Variants in VRK1 observed in about 807,000 individuals in gnomAD.
The protein encoded by VRK1 is VRK serine/threonine kinase 1.
A neutral mutation model predicts 57.1 loss-of-function variants in VRK1; 33 were observed. That is an observed-to-expected ratio of 0.58 (90% confidence interval 0.44 to 0.77). VRK1 has a LOEUF of 0.77. Among genes scored for constraint, VRK1 ranks in the 30% least tolerant of loss-of-function variants. The pLI, the probability that VRK1 is intolerant of heterozygous loss-of-function variation, is 0.00. For synonymous variants in VRK1, 137 were observed against 147.8 expected (o/e 0.93, Z 0.53); for missense variants, 413 against 477.3 (o/e 0.87, Z 1.25).
intron 1 of VRK1, among the ~76,000 whole-genome samples, chr14:96,808,813 G>A (rs1463446807): frequency 2.0e-5 from 3 of 152,068 alleles, no homozygotes; most frequent in South Asian, 2.1e-4. Flanking sequence ...TGGTTATTGC[G>A]TAACACACCA....
chr14:96,802,725 C>T (rs1885712812), intron 1 of VRK1, among the ~76,000 whole-genome samples: 1 of 152,154 alleles, frequency 6.6e-6, no homozygotes, highest in Non-Finnish European at 1.5e-5. Flanking sequence ...ATAAGTAGTT[C>T]AGTGATGAAT....
chr14:96,863,878 C>G (rs964766602), intron 11 of VRK1, among the ~76,000 whole-genome samples: 4 of 152,118 alleles, frequency 2.6e-5, no homozygotes, highest in Non-Finnish European at 5.9e-5. Context: ...AATCAGTAGC[C>G]TGCAGCTGCT....
chr14:96,846,027 G>C, intron 3 of VRK1, 68 bp from the exon 4 acceptor site: 1 of 1,364,542 alleles, frequency 7.3e-7, no homozygotes, highest in Middle Eastern at 1.9e-4. Flanking sequence ...GGTCTTTTTT[G>C]AAGGTTCATT....
At chr14:96,877,531 C>T (rs755041228) in intron 12 of VRK1, 10 of 1,289,316 alleles carry the variant, frequency 7.8e-6, no homozygotes, top group East Asian at 1.1e-4. Flanking sequence ...AGCAATACAT[C>T]GAAGCATGTC....
chr14:96,841,950 C>A (rs923028787), intron 3 of VRK1, among the ~76,000 whole-genome samples: 4 of 152,210 alleles, frequency 2.6e-5, no homozygotes, highest in African/African-American at 9.6e-5. Flanking sequence ...GCACTCTCTC[C>A]TGAATAAACA....
At chr14:96,851,940 T>G (rs1447074121) in intron 5 of VRK1, among the ~76,000 whole-genome samples, 1 of 152,252 alleles carries the variant, frequency 6.6e-6, no homozygotes, top group Non-Finnish European at 1.5e-5. Flanking sequence ...TCATTGGAGA[T>G]GTCCTGATAC....
intron 1 of VRK1, among the ~76,000 whole-genome samples, chr14:96,820,227 GA>G (rs1160551429): frequency 2.0e-5 from 3 of 151,796 alleles, no homozygotes; most frequent in African/African-American, 7.3e-5. Flanking sequence ...TGAAAATGAT[GA>G]TTTTTTTTTT....
chr14:96,810,639 T>G (rs948351173), intron 1 of VRK1, among the ~76,000 whole-genome samples: 5 of 152,204 alleles, frequency 3.3e-5, no homozygotes, highest in African/African-American at 1.2e-4. Flanking sequence ...CCTTCTGCAC[T>G]TGGGCATATT....
chr14:96,841,960 AC>A (rs371990896), intron 3 of VRK1, among the ~76,000 whole-genome samples: 3 of 152,170 alleles, frequency 2.0e-5, no homozygotes, highest in African/African-American at 4.8e-5. Flanking sequence ...CTGAATAAAC[AC>A]CTACAGCACT....
At position 96,855,247 on chromosome 14, in the gene VRK1, T is replaced by C; in HGVS notation, c.600T>C (p.Leu200=). The C allele has an allele frequency of 6.2e-7, 1 of 1,614,048 alleles. No homozygotes were observed. Among genetic ancestry groups the C allele is most frequent in the East Asian group, 2.2e-5 (1 of 44,854 alleles). The change falls in exon 8 of 13, where the codon CTT becomes CTC. Residue 200 remains leucine, a synonymous_variant. Transcript: ENST00000216639. ...AGGTGTACTTGGTAGATTATGGCCT[T>C]GCTTATCGGTACTGCCCAGAAGGAG... ...PDQVYLVDYG[L]AYRYCPEGVH...
At chr14:96,861,611 C>T (rs1032152241) in intron 11 of VRK1, among the ~76,000 whole-genome samples, 6 of 151,962 alleles carry the variant, frequency 3.9e-5, no homozygotes, top group Admixed American at 1.3e-4. Context: ...TAAAATCAGA[C>T]GCAGCACATT....
intron 1 of VRK1, among the ~76,000 whole-genome samples, chr14:96,824,289 A>G (rs563119492): frequency 6.6e-6 from 1 of 152,328 alleles, no homozygotes; most frequent in East Asian, 1.9e-4. Flanking sequence ...AAAAGAATTT[A>G]CTGTATTCCT....
intron 7 of VRK1, 80 bp from the exon 8 acceptor site, chr14:96,855,144 G>T: frequency 6.2e-7 from 1 of 1,607,702 alleles, no homozygotes; most frequent in Non-Finnish European, 8.5e-7. Context: ...TCAGATGCCA[G>T]TATTTTGTTT....
intron 1 of VRK1, among the ~76,000 whole-genome samples, chr14:96,809,873 A>G (rs943454746): frequency 2.6e-5 from 4 of 152,140 alleles, no homozygotes; most frequent in Non-Finnish European, 4.4e-5. Flanking sequence ...GTACCTGGCC[A>G]TGTGTCTAGT....
In VRK1 at chr14:96,833,478, C is replaced by T. The variant is rs747692654; in HGVS notation, c.7C>T (p.Arg3Cys). 68 of 1,613,262 alleles carry T rather than the reference C, an allele frequency of 4.2e-5. No homozygotes were observed. The highest frequency in any genetic ancestry group is 5.7e-5 in the Non-Finnish European group (67 of 1,179,636). Residue 3 changes from arginine to cysteine, a missense_variant, in exon 2 of 13, where the codon CGT (arginine) becomes TGT (cysteine). Arg to Cys is a radical substitution (Grantham distance 180). Around this residue, in one of 3 missense-constraint regions of VRK1, gnomAD observed 116 missense variants for 113.6 expected, o/e 1.02. Coordinates refer to ENST00000216639, the MANE Select transcript of VRK1 (RefSeq NM_003384.3). MP[R>C]VKAAQAGRQS... ...GTTTTATGTTATAGTGAAAATGCCT[C>T]GTGTAAAAGCAGCTCAAGCTGGAAG... is the stretch of plus-strand genomic sequence containing the variant.
At chr14:96,805,538 G>T (rs1017196916) in intron 1 of VRK1, among the ~76,000 whole-genome samples, 1 of 152,096 alleles carries the variant, frequency 6.6e-6, no homozygotes, top group African/African-American at 2.4e-5. Context: ...TTTATCTGTG[G>T]GGATCTCTTT....
In VRK1 at chr14:96,837,114, A is replaced by G. The variant is rs933820089; in HGVS notation, c.161-648A>G. 2.0e-5 allele frequency among the ~76,000 whole-genome samples: 3 copies of G among 152,256 alleles called. No homozygotes were observed. The South Asian group carries it at 6.2e-4, about 32-fold the overall frequency. On this transcript the variant is annotated intron_variant, in intron 2 of 12. Coordinates refer to ENST00000216639, the MANE Select transcript of VRK1 (RefSeq NM_003384.3). ...TTTTCCTGTTCATTGCTAAATCTCTATTTCCTAGAAACTGACGTTTAGTAT... is the reference window on the plus strand; with the variant it reads ...TTTTCCTGTTCATTGCTAAATCTCTGTTTCCTAGAAACTGACGTTTAGTAT...
At chr14:96,852,752 ATTAC>A in intron 5 of VRK1, 75 bp from the exon 6 acceptor site, 1 of 997,696 alleles carries the variant, frequency 1.0e-6, no homozygotes, top group Middle Eastern at 2.5e-4. Flanking sequence ...TCTTGAAAAA[ATTAC>A]TTTGAGAGTA....
At chr14:96,847,742 C>T (rs889736570) in intron 5 of VRK1, among the ~76,000 whole-genome samples, 1 of 152,198 alleles carries the variant, frequency 6.6e-6, no homozygotes, top group African/African-American at 2.4e-5. Flanking sequence ...TCTGCCCACA[C>T]AGAAATGTTG....
Sources: allele counts gnomAD v4.1 joint callset (sites outside exome capture counted in the v4.1 genomes callset), GRCh38; gene constraint gnomAD v4.1.1; regional missense constraint gnomAD v4.1.1; transcripts MANE v1.5; gene names NCBI Gene and HGNC (gene_info 2026-07-23, HGNC 2026-07-21).